DLGAP2: variants seen among roughly 807,000 people sequenced by gnomAD.
The protein encoded by DLGAP2 is disks large-associated protein 2.
DLGAP2 carries 26 observed loss-of-function variants against 100.3 expected under a neutral mutation model. The ratio of observed to expected loss-of-function variants is 0.26; its 90% CI spans 0.19 to 0.36. The LOEUF (loss-of-function observed/expected upper bound fraction) is 0.36. DLGAP2 is among the 10% of genes least tolerant of loss of function. The pLI, the probability that DLGAP2 is intolerant of heterozygous loss-of-function variation, is 1.00. For synonymous variants in DLGAP2, 886 were observed against 630.1 expected, an observed-to-expected ratio of 1.41 and a Z score of -6.08; for missense variants, 1,858 against 1,453.2, an observed-to-expected ratio of 1.28 and a Z score of -4.53.
rs552710269 is a variant in DLGAP2, at chr8:1,478,577, A to G, written c.107-22789A>G. On this transcript the variant is annotated intron_variant, in intron 3 of 14. Coordinates refer to ENST00000637795, the MANE Select transcript of DLGAP2 (RefSeq NM_001346810.2). ...GGCAATGGTCAAACCAACAGAATAG[A>G]TCTGGTCCGGGACGCGGCACCTGGA... is the stretch of plus-strand genomic sequence containing the variant. Among the ~76,000 whole-genome samples, 54 of 151,892 alleles carry G rather than the reference A, an allele frequency of 3.6e-4. 1 individual carries two copies. The highest frequency in any genetic ancestry group is 2.4e-4 in the Non-Finnish European group (16 of 68,018).
At chr8:987,948 G>A (rs566351481) in intron 2 of DLGAP2, among the ~76,000 whole-genome samples, 1 of 152,176 alleles carries the variant, frequency 6.6e-6, no homozygotes, top group Admixed American at 6.5e-5. Flanking sequence ...AAGGAGATCA[G>A]TGCTTCTCTG....
chr8:1,664,733 C>G (rs1798500819), intron 8 of DLGAP2, among the ~76,000 whole-genome samples: 1 of 152,186 alleles, frequency 6.6e-6, no homozygotes, highest in Non-Finnish European at 1.5e-5. Context: ...AAAAACAATA[C>G]TCTTTCACAA....
At chr8:823,750 G>A (rs908979503) in intron 1 of DLGAP2, among the ~76,000 whole-genome samples, 28 of 152,164 alleles carry the variant, frequency 1.8e-4, no homozygotes, top group African/African-American at 6.5e-4. Flanking sequence ...ACTTTGGGAA[G>A]TGGTCATTCG....
intron 4 of DLGAP2, among the ~76,000 whole-genome samples, chr8:1,502,269 G>A (rs865780053): frequency 6.6e-6 from 1 of 152,130 alleles, no homozygotes; most frequent in Non-Finnish European, 1.5e-5. Context: ...GCTGGGTCTC[G>A]GATCATAAGT....
intron 4 of DLGAP2, among the ~76,000 whole-genome samples, chr8:1,518,095 G>T (rs1458932791): frequency 6.6e-6 from 1 of 152,188 alleles, no homozygotes; most frequent in Non-Finnish European, 1.5e-5. Flanking sequence ...GTGCATCTCA[G>T]ACAGCCCTTA....
At chr8:1,305,815 C>G (rs6997176) in intron 3 of DLGAP2, among the ~76,000 whole-genome samples, 48 of 152,314 alleles carry the variant, frequency 3.2e-4, no homozygotes, top group African/African-American at 1.1e-3. Flanking sequence ...CCCCACTCAA[C>G]AGCAGATGAC....
rs546566115 is a variant in DLGAP2, at chr8:1,023,407, C to T, written c.73+115441C>T. On this transcript the variant is annotated intron_variant, in intron 2 of 14. Transcript: ENST00000637795. ...ATGAGGTCTTATGATGTTCCCAGGC[C>T]AGATTCTAACTCCTGGGTTCAAGCA... Among the ~76,000 whole-genome samples the T allele has an allele frequency of 8.5e-5, 13 of 152,212 alleles. No individual in the cohort carries two copies. The East Asian group carries it at 2.3e-3, about 27-fold the overall frequency.
rs35157299 is a variant in DLGAP2, at chr8:1,630,140, G to GA, written c.1591-2677dup. Reference sequence around the variant, plus strand: ...ATTGAACTCAGTTTTGAATTCTCAGGAAAAAAAAAAGTGTTATTCAAAATA... The same window carrying GA: ...ATTGAACTCAGTTTTGAATTCTCAGGAAAAAAAAAAAGTGTTATTCAAAATA... On this transcript the variant is annotated intron_variant, in intron 7 of 14. Coordinates refer to ENST00000637795, the MANE Select transcript of DLGAP2 (RefSeq NM_001346810.2). 2.7e-3 allele frequency among the ~76,000 whole-genome samples: 400 copies of GA among 147,774 alleles called. 1 individual carries two copies. Among genetic ancestry groups the GA allele is most frequent in the Non-Finnish European group, 3.9e-3 (263 of 66,750 alleles).
intron 2 of DLGAP2, among the ~76,000 whole-genome samples, chr8:1,184,443 G>A (rs940159352): frequency 6.6e-6 from 1 of 152,204 alleles, no homozygotes; most frequent in African/African-American, 2.4e-5. Context: ...CCCGTGTGAA[G>A]GAGACGGGCA....
intron 1 of DLGAP2, among the ~76,000 whole-genome samples, chr8:753,160 T>G (rs1820835294): frequency 6.6e-6 from 1 of 152,230 alleles, no homozygotes; most frequent in South Asian, 2.1e-4. Context: ...GACGCAGACC[T>G]GACCGCTTAG....
intron 1 of DLGAP2, among the ~76,000 whole-genome samples, chr8:871,371 T>C (rs1797595197): frequency 6.6e-6 from 1 of 152,214 alleles, no homozygotes; most frequent in African/African-American, 2.4e-5. Context: ...ACTTTTGTAT[T>C]TTGCTGTTCT....
At chr8:1,091,498 T>C (rs1804180448) in intron 2 of DLGAP2, among the ~76,000 whole-genome samples, 1 of 152,246 alleles carries the variant, frequency 6.6e-6, no homozygotes, top group East Asian at 1.9e-4. Context: ...ACCATCCAGA[T>C]GGCTGGTATT....
chr8:1,030,113 C>T (rs1305678988), intron 2 of DLGAP2, among the ~76,000 whole-genome samples: 1 of 152,164 alleles, frequency 6.6e-6, no homozygotes, highest in Non-Finnish European at 1.5e-5. Context: ...CATACTTTCA[C>T]ACCAGGAAAT....
chr8:1,041,594 G>A (rs1414053702), intron 2 of DLGAP2, among the ~76,000 whole-genome samples: 1 of 144,572 alleles, frequency 6.9e-6, no homozygotes, highest in African/African-American at 2.6e-5. Context: ...CCCTTGCCGT[G>A]GGTGAGTGTT....
chr8:1,160,055 C>T (rs1236343485), intron 2 of DLGAP2, among the ~76,000 whole-genome samples: 9 of 152,226 alleles, frequency 5.9e-5, no homozygotes, highest in African/African-American at 1.9e-4. Flanking sequence ...AAACTGAGCC[C>T]CCACGGCACC....
At chr8:788,304 G>A (rs1180866441) in intron 1 of DLGAP2, among the ~76,000 whole-genome samples, 1 of 152,210 alleles carries the variant, frequency 6.6e-6, no homozygotes, top group East Asian at 1.9e-4. Flanking sequence ...GGTCGAGATA[G>A]CAGCATTCAG....
At chr8:1,392,931 A>T (rs1268396901) in intron 3 of DLGAP2, among the ~76,000 whole-genome samples, 1 of 124,586 alleles carries the variant, frequency 8.0e-6, no homozygotes, top group Non-Finnish European at 1.7e-5. Flanking sequence ...TTTTTTTACA[A>T]CTATTCCCCC....
intron 2 of DLGAP2, among the ~76,000 whole-genome samples, chr8:1,168,401 T>C (rs1797062007): frequency 6.6e-6 from 1 of 151,930 alleles, no homozygotes; most frequent in Admixed American, 6.6e-5. Flanking sequence ...TGCCCAGTAA[T>C]GGGATGGCTG....
intron 2 of DLGAP2, among the ~76,000 whole-genome samples, chr8:1,024,035 C>T (rs1563150229): frequency 6.6e-6 from 1 of 151,992 alleles, no homozygotes; most frequent in Non-Finnish European, 1.5e-5. Flanking sequence ...TGCCTCTGTC[C>T]AGGTGCCATG....
Sources: allele counts gnomAD v4.1 joint callset (sites outside exome capture counted in the v4.1 genomes callset), GRCh38; gene constraint gnomAD v4.1.1; transcripts MANE v1.5; gene names NCBI Gene and HGNC (gene_info 2026-07-23, HGNC 2026-07-21).